Variants in RNF144A observed in about 807,000 individuals in gnomAD.
RNF144A encodes E3 ubiquitin-protein ligase RNF144A.
In RNF144A, 11 loss-of-function variants were observed where a neutral mutation model predicts 38.7. The observed-to-expected ratio is 0.28, with a 90% CI of 0.18 to 0.47. RNF144A has a LOEUF of 0.47. RNF144A is among the 20% of genes least tolerant of loss of function. The probability of loss-of-function intolerance (pLI) is 0.99; values close to 1 mark genes in which losing one functional copy is unlikely to be tolerated. For synonymous variants in RNF144A, 149 were observed against 143.9 expected (o/e 1.04, Z -0.25); for missense variants, 316 against 377.2 (o/e 0.84, Z 1.34).
chr2:6,933,534 A>G (rs1235045348), intron 1 of RNF144A, among the ~76,000 whole-genome samples: 3 of 152,236 alleles, frequency 2.0e-5, no homozygotes, highest in Non-Finnish European at 2.9e-5. Flanking sequence ...CTCTCAGTGT[A>G]TAGTATCTCA....
chr2:6,955,709 C>T (rs1175689083), intron 2 of RNF144A, among the ~76,000 whole-genome samples: 1 of 152,166 alleles, frequency 6.6e-6, no homozygotes, highest in Non-Finnish European at 1.5e-5. Flanking sequence ...CTGCTCCTGG[C>T]TTTGTTGGTG....
At chr2:7,005,347 G>C (rs759466775) in intron 3 of RNF144A, among the ~76,000 whole-genome samples, 5 of 152,178 alleles carry the variant, frequency 3.3e-5, no homozygotes, top group African/African-American at 7.2e-5. Context: ...GGCTTCCCAG[G>C]CCTCTCTTCT....
chr2:6,986,397 A>C (rs1021454538), intron 2 of RNF144A, among the ~76,000 whole-genome samples: 1 of 152,094 alleles, frequency 6.6e-6, no homozygotes, highest in African/African-American at 2.4e-5. Context: ...CTTAGCAACA[A>C]GGTTTCTGTT....
chr2:7,046,115 C>T (rs309299), downstream of RNF144A, among the ~76,000 whole-genome samples: 54,413 of 152,092 alleles, frequency 0.36, 10,095 homozygotes, highest in Admixed American at 0.44. Flanking sequence ...AGAAGGTATT[C>T]TAAACTTGAC....
intron 2 of RNF144A, among the ~76,000 whole-genome samples, chr2:6,966,782 C>A (rs1219763035): frequency 1.3e-5 from 2 of 152,132 alleles, no homozygotes; most frequent in African/African-American, 4.8e-5. Context: ...ATTAGGAAGT[C>A]CATAGTCAGG....
At chr2:7,066,081 T>C (rs1426863289) in intron 6 of RNF144A, among the ~76,000 whole-genome samples, 2 of 149,862 alleles carry the variant, frequency 1.3e-5, no homozygotes, top group South Asian at 2.1e-4. Flanking sequence ...TTTTCTCTCT[T>C]TTTTTTTTTT....
intron 2 of RNF144A, among the ~76,000 whole-genome samples, chr2:6,951,769 G>A (rs561551740): frequency 1.3e-5 from 2 of 152,062 alleles, no homozygotes; most frequent in African/African-American, 4.8e-5. Flanking sequence ...TTTTAATATT[G>A]ATCTTGCATC....
chr2:6,933,264 G>C (rs1053174976), intron 1 of RNF144A: 6 of 152,182 alleles, frequency 3.9e-5, no homozygotes, highest in African/African-American at 1.4e-4. Flanking sequence ...GCAGTATTTT[G>C]CTGTGATCAC....
intron 2 of RNF144A, among the ~76,000 whole-genome samples, chr2:6,955,003 T>G (rs767770858): frequency 6.6e-6 from 1 of 152,232 alleles, no homozygotes; most frequent in Non-Finnish European, 1.5e-5. Context: ...TTTGACCTAT[T>G]TTTTTCTGTG....
At chr2:7,044,341 T>C (rs1673216501), downstream of RNF144A, among the ~76,000 whole-genome samples, 1 of 152,042 alleles carries the variant, frequency 6.6e-6, no homozygotes, top group Non-Finnish European at 1.5e-5. Context: ...GGAGGGATCT[T>C]ATATCACTGG....
chr2:7,012,162 A>G (rs1186821637), intron 3 of RNF144A, among the ~76,000 whole-genome samples: 1 of 152,206 alleles, frequency 6.6e-6, no homozygotes, highest in Non-Finnish European at 1.5e-5. Context: ...CAAACTTCAT[A>G]ATAGAAAGTA....
downstream of RNF144A, among the ~76,000 whole-genome samples, chr2:7,071,428 T>C (rs1674478413): frequency 6.6e-6 from 1 of 152,202 alleles, no homozygotes; most frequent in South Asian, 2.1e-4. Context: ...GACAAGGTCT[T>C]AGGGCAAAAA....
At chr2:6,999,234 C>G (rs1669949288) in intron 3 of RNF144A, among the ~76,000 whole-genome samples, 1 of 152,156 alleles carries the variant, frequency 6.6e-6, no homozygotes, top group South Asian at 2.1e-4. Flanking sequence ...ATGTTGAAAA[C>G]AGTTCCACCT....
chr2:7,020,861 A>G, intron 6 of RNF144A, 181 bp downstream of exon 6: 1 of 609,788 alleles, frequency 1.6e-6, no homozygotes, highest in Non-Finnish European at 2.9e-6. Flanking sequence ...TTTATTTTTG[A>G]GAACTGACTA....
At chr2:7,007,238 A>G (rs1008794817) in intron 3 of RNF144A, among the ~76,000 whole-genome samples, 4 of 152,172 alleles carry the variant, frequency 2.6e-5, no homozygotes, top group Admixed American at 2.0e-4. Context: ...GCCCTTTCTT[A>G]TACAATGGGT....
chr2:6,925,217 G>A (rs577502722), intron 1 of RNF144A, among the ~76,000 whole-genome samples: 38 of 152,256 alleles, frequency 2.5e-4, no homozygotes, highest in African/African-American at 7.7e-4. Context: ...CCCTGGTGTG[G>A]ATGGGATGGG....
chr2:6,921,889 A>T (rs914127718), intron 1 of RNF144A, among the ~76,000 whole-genome samples: 25 of 152,330 alleles, frequency 1.6e-4, no homozygotes, highest in African/African-American at 6.0e-4. Context: ...TGGGGTGGAC[A>T]GGGAACTTAG....
chr2:6,951,937 G>A (rs1043708612), intron 2 of RNF144A, among the ~76,000 whole-genome samples: 1 of 152,020 alleles, frequency 6.6e-6, no homozygotes, highest in African/African-American at 2.4e-5. Flanking sequence ...AGAGCCCAAG[G>A]TACAATATTG....
intron 2 of RNF144A, among the ~76,000 whole-genome samples, chr2:6,977,460 T>C (rs928143293): frequency 9.2e-5 from 14 of 152,386 alleles, no homozygotes; most frequent in South Asian, 2.1e-4. Flanking sequence ...TTAATGCACA[T>C]TTTAATTTCA....
Sources: gnomAD v4.1 joint callset for allele counts (sites outside exome capture counted in the v4.1 genomes callset) on GRCh38, gnomAD v4.1.1 for gene constraint, MANE v1.5 for transcripts, NCBI Gene and HGNC (gene_info 2026-07-23, HGNC 2026-07-21) for gene names.